Variants in HS6ST2 observed in about 807,000 individuals in gnomAD.
HS6ST2 encodes heparan-sulfate 6-O-sulfotransferase 2.
Under a neutral mutation model 33.0 loss-of-function variants are expected in HS6ST2, and 17 were observed. The observed-to-expected ratio is 0.52, with a 90% confidence interval of 0.35 to 0.77. The LOEUF is 0.77. HS6ST2 is among the 30% of genes least tolerant of loss of function. The probability of loss-of-function intolerance (pLI) is 0.01; values close to 1 mark genes in which losing one functional copy is unlikely to be tolerated. For missense variants in HS6ST2, 519 were observed against 551.7 expected (o/e 0.94, Z 0.59); for synonymous variants, 248 against 237.1 (o/e 1.05, Z -0.42).
At chrX:132,896,267 G>A (rs754349185) in intron 2 of HS6ST2, among the ~76,000 whole-genome samples, 17 of 110,757 alleles carry the variant, frequency 1.5e-4, no homozygotes, top group Admixed American at 1.9e-4. Context: ...TCAGGAGATC[G>A]AGACCATCCT....
intron 3 of HS6ST2, among the ~76,000 whole-genome samples, chrX:132,697,753 C>T (rs1408135380): frequency 8.9e-6 from 1 of 111,820 alleles, no homozygotes; most frequent in African/African-American, 3.2e-5. Context: ...TCTACCACAA[C>T]GGTTAGTTCT....
At chrX:132,657,101 A>G (rs1403240720) in intron 4 of HS6ST2, among the ~76,000 whole-genome samples, 1 of 111,853 alleles carries the variant, frequency 8.9e-6, no homozygotes, top group African/African-American at 3.2e-5. Flanking sequence ...GGAGAGGGAC[A>G]ATATGCCTTT....
At chrX:132,797,170 G>A (rs777858536) in intron 2 of HS6ST2, among the ~76,000 whole-genome samples, 6 of 111,590 alleles carry the variant, frequency 5.4e-5, no homozygotes, top group Admixed American at 2.9e-4. Context: ...TAGCCCACAG[G>A]TGCTAAAAAG....
intron 4 of HS6ST2, among the ~76,000 whole-genome samples, chrX:132,634,970 T>C (rs1025725947): frequency 3.6e-5 from 4 of 111,640 alleles, no homozygotes; most frequent in Non-Finnish European, 5.6e-5. Flanking sequence ...CAGTGGATCC[T>C]AGGCTTCTTT....
intron 2 of HS6ST2, among the ~76,000 whole-genome samples, chrX:132,747,526 G>A (rs995511985): frequency 1.8e-5 from 2 of 111,018 alleles, no homozygotes; most frequent in African/African-American, 3.3e-5. Flanking sequence ...TGCTGAGAGA[G>A]ACTGCAGCCC....
intron 2 of HS6ST2, among the ~76,000 whole-genome samples, chrX:132,921,266 T>C (rs1221923741): frequency 9.0e-6 from 1 of 111,727 alleles, no homozygotes; most frequent in African/African-American, 3.3e-5. Context: ...ACCTGGGAGA[T>C]TGTTAAAAAT....
intron 2 of HS6ST2, among the ~76,000 whole-genome samples, chrX:132,906,761 G>A (rs970446700): frequency 6.3e-5 from 7 of 110,955 alleles, no homozygotes; most frequent in Admixed American, 3.8e-4. Flanking sequence ...TCTGCCTCCC[G>A]GGTTCAAGCA....
At chrX:132,948,694 T>C (rs1032646459) in intron 2 of HS6ST2, among the ~76,000 whole-genome samples, 2 of 112,469 alleles carry the variant, frequency 1.8e-5, no homozygotes, top group African/African-American at 6.4e-5. Flanking sequence ...ATAAATATTT[T>C]ACTAAAGTTT....
intron 2 of HS6ST2, among the ~76,000 whole-genome samples, chrX:132,711,654 C>A (rs751190415): frequency 5.4e-5 from 6 of 111,587 alleles, no homozygotes; most frequent in African/African-American, 2.0e-4. Context: ...GTTCACAGAG[C>A]CCAGAGCACA....
chrX:132,629,806 A>G (rs2063505294), intron 4 of HS6ST2, among the ~76,000 whole-genome samples: 1 of 111,935 alleles, frequency 8.9e-6, no homozygotes, highest in Non-Finnish European at 1.9e-5. Flanking sequence ...GTAGCTGCCA[A>G]TGGCATGTAT....
At chrX:132,873,130 C>T (rs1401031074) in intron 2 of HS6ST2, among the ~76,000 whole-genome samples, 2 of 111,764 alleles carry the variant, frequency 1.8e-5, no homozygotes, top group Non-Finnish European at 1.9e-5. Flanking sequence ...GGCTATTTTG[C>T]GATGGGGTGC....
intron 2 of HS6ST2, among the ~76,000 whole-genome samples, chrX:132,881,283 C>G (rs1602799849): frequency 9.1e-6 from 1 of 110,274 alleles, no homozygotes; most frequent in Non-Finnish European, 1.9e-5. Flanking sequence ...TCCTCTCCAG[C>G]ACCTGTTGTT....
rs1218528101 is a variant in HS6ST2 at position 132,669,163 on chromosome X, G to A, written c.1017C>T (p.Gly339=). 7 of 1,208,587 alleles carry A rather than the reference G, an allele frequency of 5.8e-6. No homozygotes were observed. Among genetic ancestry groups the A allele is most frequent in the East Asian group, 5.9e-5 (2 of 33,730 alleles). ...TCTTTGTGGATGACGGAGAGTTGGC[G>A]CCTGCGTTAGTGTTTGGAGAACCCC... ...DKRGSPNTNA[G]ANSPSSTKTR... Residue 339 remains glycine (G), a synonymous_variant, in exon 4 of 5, where the codon GGC becomes GGT. Coordinates refer to ENST00000370833, the MANE Select transcript of HS6ST2 (RefSeq NM_001394073.1).
intron 2 of HS6ST2, among the ~76,000 whole-genome samples, chrX:132,946,852 G>A (rs1191204911): frequency 9.0e-6 from 1 of 111,653 alleles, no homozygotes; most frequent in Non-Finnish European, 1.9e-5. Context: ...GTCTCAATAG[G>A]TACCCCAAAA....
chrX:132,678,720 T>C (rs2063943975), intron 3 of HS6ST2, among the ~76,000 whole-genome samples: 2 of 112,654 alleles, frequency 1.8e-5, no homozygotes. Flanking sequence ...TCAGCCTCTT[T>C]GTATTGTGTT....
intron 2 of HS6ST2, among the ~76,000 whole-genome samples, chrX:132,758,792 T>C (rs992050345): frequency 8.9e-6 from 1 of 112,157 alleles, no homozygotes; most frequent in Non-Finnish European, 1.9e-5. Flanking sequence ...TCCTCTTAAC[T>C]GTTGGTCCTT....
At chrX:132,924,955 C>A (rs1360240992) in intron 2 of HS6ST2, among the ~76,000 whole-genome samples, 2 of 111,269 alleles carry the variant, frequency 1.8e-5, no homozygotes, top group Non-Finnish European at 3.8e-5. Context: ...AGACCGTGCG[C>A]CTGTGGTCCC....
chrX:132,852,503 A>G (rs1386457018), intron 2 of HS6ST2, among the ~76,000 whole-genome samples: 2 of 112,160 alleles, frequency 1.8e-5, no homozygotes, highest in African/African-American at 3.2e-5. Context: ...GGGCTAAACA[A>G]TTCTATATCA....
At chrX:132,708,299 TAAAAAA>T (rs36028236) in intron 3 of HS6ST2, among the ~76,000 whole-genome samples, 157 bp downstream of exon 3, 3 of 21,200 alleles carry the variant, frequency 1.4e-4, no homozygotes, top group Non-Finnish European at 2.4e-4. Context: ...TGTTTTAAAC[TAAAAAA>T]AAAAAAAAAA....
Sources: allele counts gnomAD v4.1 joint callset (sites outside exome capture counted in the v4.1 genomes callset), GRCh38; gene constraint gnomAD v4.1.1; transcripts MANE v1.5; gene names NCBI Gene and HGNC (gene_info 2026-07-23, HGNC 2026-07-21).